BTBD16: variants seen among roughly 807,000 people sequenced by gnomAD.
The protein encoded by BTBD16 is BTB domain containing 16.
Under a neutral mutation model 67.4 loss-of-function variants are expected in BTBD16, and 66 were observed. That is an observed-to-expected ratio of 0.98 (90% confidence interval 0.80 to 1.20). The LOEUF (loss-of-function observed/expected upper bound fraction) is 1.20. Among genes scored for constraint, BTBD16 ranks in the 50% most tolerant of loss-of-function variants. BTBD16 has a pLI of 0.00. For missense variants in BTBD16, 634 were observed against 616.0 expected, an observed-to-expected ratio of 1.03 and a Z score of -0.31; for synonymous variants, 242 against 236.4, an observed-to-expected ratio of 1.02 and a Z score of -0.22.
Position 122,328,257 on chromosome 10 carries a change from C to T in BTBD16, c.912-1223C>T, listed in dbSNP as rs138189246. Among the ~76,000 whole-genome samples, 531 of 152,300 alleles carry T rather than the reference C, an allele frequency of 3.5e-3. 1 individual carries two copies. The highest frequency in any genetic ancestry group is 0.014 in the Middle Eastern group (4 of 294). On this transcript the variant is annotated intron_variant, in intron 10 of 15. Transcript: ENST00000260723. ...CACCAGCCCCGGCTCCACTTACCCT[C>T]GGTAATGGAGGGCTGGTTCCAGAAC... is the stretch of plus-strand genomic sequence containing the variant.
At chr10:122,282,244 C>G (rs2096354639) in intron 3 of BTBD16, among the ~76,000 whole-genome samples, 1 of 152,194 alleles carries the variant, frequency 6.6e-6, no homozygotes, top group South Asian at 2.1e-4. Flanking sequence ...ACTCTTGACT[C>G]TGGCCAGCTC....
intron 9 of BTBD16, among the ~76,000 whole-genome samples, chr10:122,305,364 G>C (rs1298786212): frequency 6.6e-6 from 1 of 152,142 alleles, no homozygotes; most frequent in Admixed American, 6.5e-5. Context: ...AGAGGTGATT[G>C]GATCATGGTG....
chr10:122,297,004 T>C (rs747447726), intron 7 of BTBD16, among the ~76,000 whole-genome samples: 8 of 152,256 alleles, frequency 5.3e-5, no homozygotes, highest in Admixed American at 5.2e-4. Flanking sequence ...GCCTGTTCTT[T>C]TTCCTCCTCT....
At chr10:122,322,017 T>C (rs1368422289) in intron 10 of BTBD16, among the ~76,000 whole-genome samples, 1 of 152,144 alleles carries the variant, frequency 6.6e-6, no homozygotes, top group African/African-American at 2.4e-5. Flanking sequence ...TTAGTATCTA[T>C]AGAATTTGTT....
rs369444482 is a variant in BTBD16 at position 122,330,474 on chromosome 10, T to G, written c.1004-702T>G. ...AAGGAGGACTGGTCAAAGCTGACCT[T>G]CGAGGGCCACTGATGGCATTTCCTT... On this transcript the variant is annotated intron_variant, in intron 11 of 15. Coordinates refer to ENST00000260723, the MANE Select transcript of BTBD16 (RefSeq NM_144587.5). Among the ~76,000 whole-genome samples the G allele has an allele frequency of 2.6e-5, 4 of 152,376 alleles. No homozygotes were observed. In the East Asian group the frequency reaches 7.7e-4, roughly 29 times the overall value.
chr10:122,293,503 C>T (rs1299607467), intron 7 of BTBD16, among the ~76,000 whole-genome samples: 1 of 152,160 alleles, frequency 6.6e-6, no homozygotes, highest in African/African-American at 2.4e-5. Context: ...TCCAGTGTGT[C>T]AGCATGGTCA....
At chr10:122,285,892 C>T (rs1437554610) in intron 4 of BTBD16, among the ~76,000 whole-genome samples, 1 of 152,092 alleles carries the variant, frequency 6.6e-6, no homozygotes, top group African/African-American at 2.4e-5. Context: ...TCCTGGGTGA[C>T]CCTGTAAGAC....
chr10:122,332,182 C>T, intron 12 of BTBD16: 1 of 441,604 alleles, frequency 2.3e-6, no homozygotes, highest in Non-Finnish European at 4.1e-6. Context: ...CATTTTATTT[C>T]CCATGTGAGA....
At chr10:122,321,277 C>A (rs1162063352) in intron 10 of BTBD16, among the ~76,000 whole-genome samples, 2 of 152,154 alleles carry the variant, frequency 1.3e-5, no homozygotes, top group South Asian at 4.1e-4. Context: ...TAGGTTGATT[C>A]CATGTCTTTG....
intron 13 of BTBD16, among the ~76,000 whole-genome samples, chr10:122,334,041 TG>T (rs2096459016): frequency 6.6e-6 from 1 of 152,190 alleles, no homozygotes; most frequent in South Asian, 2.1e-4. Context: ...TCATTCAAAT[TG>T]TTACTAGTAA....
At chr10:122,303,034 A>G (rs1376822938) in intron 9 of BTBD16, among the ~76,000 whole-genome samples, 1 of 152,242 alleles carries the variant, frequency 6.6e-6, no homozygotes, top group African/African-American at 2.4e-5. Flanking sequence ...ACTGTTAAAA[A>G]AAGTATATCT....
intron 15 of BTBD16, 33 bp downstream of exon 15, chr10:122,336,715 C>T (rs2096463915): frequency 6.6e-7 from 1 of 1,526,508 alleles, no homozygotes; most frequent in African/African-American, 1.4e-5. Context: ...CCTTTATTTC[C>T]TTTTTGCTCT....
intron 14 of BTBD16, 47 bp downstream of exon 14, chr10:122,335,026 G>T: frequency 1.1e-6 from 1 of 884,222 alleles, no homozygotes. Flanking sequence ...CAGTCTTTTA[G>T]AGTTAGAGTC....
chr10:122,292,275 C>T (rs538651597), intron 7 of BTBD16, among the ~76,000 whole-genome samples: 3 of 152,370 alleles, frequency 2.0e-5, no homozygotes, highest in African/African-American at 7.2e-5. Flanking sequence ...GATGTCAGCA[C>T]ATAGGGCTTT....
intron 5 of BTBD16, 101 bp downstream of exon 5, chr10:122,286,349 A>G (rs947481540): frequency 6.8e-7 from 1 of 1,462,294 alleles, no homozygotes; most frequent in East Asian, 2.3e-5. Flanking sequence ...CGGTCACTCT[A>G]GCAGTCAAGA....
chr10:122,322,129 A>G (rs2096436487), intron 10 of BTBD16, among the ~76,000 whole-genome samples: 2 of 152,052 alleles, frequency 1.3e-5, no homozygotes, highest in South Asian at 4.1e-4. Context: ...CATTTTTTTA[A>G]AAAACACCTT....
chr10:122,304,648 A>G lies in BTBD16; in HGVS notation c.792-2541A>G, dbSNP rs1250899041. ...CTGCTCACTGCAAGCTCTGCCTCCCAGGTTCACGCCATTCTCCTGCCTCAG... is the reference window on the plus strand; with the variant it reads ...CTGCTCACTGCAAGCTCTGCCTCCCGGGTTCACGCCATTCTCCTGCCTCAG... On this transcript the variant is annotated intron_variant, in intron 9 of 15. Transcript: ENST00000260723. 3.5e-5 allele frequency among the ~76,000 whole-genome samples: 5 copies of G among 141,326 alleles called. No individual in the cohort carries two copies. The South Asian group carries it at 6.7e-4, about 19-fold the overall frequency. 92.7% of individuals were successfully genotyped at this position (141,326 alleles called of 152,430 possible).
At chr10:122,272,615 A>G (rs2096331268) in intron 1 of BTBD16, among the ~76,000 whole-genome samples, 1 of 152,172 alleles carries the variant, frequency 6.6e-6, no homozygotes, top group Non-Finnish European at 1.5e-5. Flanking sequence ...TGCTGGGATT[A>G]CAGGCATGAG....
At position 122,336,551 on chromosome 10, in the gene BTBD16, A is replaced by T. The variant is rs1451236922; in HGVS notation, c.1321A>T (p.Ser441Cys). 1 of 1,612,270 alleles carries T rather than the reference A, an allele frequency of 6.2e-7. No homozygotes were observed. Among genetic ancestry groups the T allele is most frequent in the Non-Finnish European group, 8.5e-7 (1 of 1,179,454 alleles). Residue 441 changes from serine (S) to cysteine (C), a missense_variant, in exon 15 of 16, where the codon AGC becomes TGC. Ser to Cys is a moderately radical substitution (Grantham distance 112, BLOSUM62 -1). Transcript: ENST00000260723. ...TGCGGTCTACGAGCACAACCACGTC[A>T]GCCTGCGAGCGGCACGCCTGGTGAA... ...PSAVYEHNHV[S>C]LRAARLVKYE... is the part of the protein sequence containing the mutation.
Sources: gnomAD v4.1 joint callset for allele counts (sites outside exome capture counted in the v4.1 genomes callset) on GRCh38, gnomAD v4.1.1 for gene constraint, MANE v1.5 for transcripts, NCBI Gene and HGNC (gene_info 2026-07-23, HGNC 2026-07-21) for gene names.